Variants in CREBRF observed in about 807,000 individuals in gnomAD.
The protein encoded by CREBRF is UPF0474 protein C5orf41.
A neutral mutation model predicts 66.1 loss-of-function variants in CREBRF; 5 were observed. That is an observed-to-expected ratio of 0.08 (90% CI 0.04 to 0.16). CREBRF has a LOEUF of 0.16. Ranked by LOEUF, CREBRF falls within the 10% of genes least tolerant of loss-of-function variation. The probability of loss-of-function intolerance (pLI) is 1.00; values close to 1 mark genes in which losing one functional copy is unlikely to be tolerated. For synonymous variants in CREBRF, 229 were observed against 264.4 expected (o/e 0.87, Z 1.30); for missense variants, 531 against 744.9 (o/e 0.71, Z 3.34).
chr5:173,123,978 T>C (rs1759202518), intron 8 of CREBRF: 1 of 152,220 alleles, frequency 6.6e-6, no homozygotes, highest in Non-Finnish European at 1.5e-5. Context: ...ATTTTAATTT[T>C]TTATGTATTC....
chr5:173,096,142 T>G (rs1429632889), intron 4 of CREBRF, among the ~76,000 whole-genome samples: 6 of 152,152 alleles, frequency 3.9e-5, no homozygotes. Context: ...CTAATTTTTT[T>G]GTATTTTTAG....
intron 7 of CREBRF, among the ~76,000 whole-genome samples, chr5:173,120,109 A>T (rs1485761211): frequency 6.6e-6 from 1 of 152,078 alleles, no homozygotes; most frequent in East Asian, 1.9e-4. Context: ...ATATTGGTCT[A>T]TGATTTTTAT....
rs754863278 is a variant in CREBRF, at chr5:173,112,423, T to C, written c.1681+44T>C. The C allele has an allele frequency of 3.2e-6, 4 of 1,267,594 alleles. No homozygotes were observed. In the East Asian group the frequency reaches 7.2e-5, roughly 23 times the overall value. 78.5% of individuals were successfully genotyped at this position (1,267,594 alleles called of 1,614,324 possible). ...GAAGTTGATTAACCACCTATTGATTTGCTGACCACTCTCTCTTTTCTTTGG... is the reference window on the plus strand; with the variant it reads ...GAAGTTGATTAACCACCTATTGATTCGCTGACCACTCTCTCTTTTCTTTGG... On this transcript the variant is annotated intron_variant, in intron 7 of 8. Coordinates refer to ENST00000296953, the MANE Select transcript of CREBRF (RefSeq NM_153607.3).
chr5:173,133,923 T>C lies in CREBRF; in HGVS notation c.*178T>C. On this transcript the variant is annotated 3_prime_UTR_variant, in exon 9 of 9. Transcript: ENST00000296953. Reference sequence around the variant, plus strand: ...GATCCAAAATACTTGATTATTGCATTTTCAGAGCATAAACCATGATTAAAA... The same window carrying C: ...GATCCAAAATACTTGATTATTGCATCTTCAGAGCATAAACCATGATTAAAA... The C allele has an allele frequency of 2.3e-6, 1 of 425,792 alleles. No homozygotes were observed. The allele number at this position is 425,792 out of a possible 1,614,324, so 26.4% of individuals were successfully genotyped here.
rs370307861 is a variant in CREBRF at position 173,130,853 on chromosome 5, C to T, written c.1805-2777C>T. Among the ~76,000 whole-genome samples, 28 of 152,288 alleles carry T rather than the reference C, an allele frequency of 1.8e-4. No individual in the cohort carries two copies. In the East Asian group the frequency reaches 4.2e-3, roughly 23 times the overall value. ...GCTGACTCCCAAGTCACTGGTCGTA[C>T]ACCACCATGCCTGGCTAATGTTTTT... On this transcript the variant is annotated intron_variant, in intron 8 of 8. Transcript: ENST00000296953.
chr5:173,066,511 A>G lies in CREBRF; in HGVS notation c.-192+10032A>G, dbSNP rs1199268271. Among the ~76,000 whole-genome samples the G allele has an allele frequency of 2.0e-5, 3 of 152,190 alleles. No individual in the cohort carries two copies. In the South Asian group the frequency reaches 6.2e-4, roughly 31 times the overall value. ...TTAAAATTCAGCTTTATTGAATTAT[A>G]ATTTATGTAAAAGAAAATTCAACCA... is the stretch of plus-strand genomic sequence containing the variant. On this transcript the variant is annotated intron_variant, in intron 1 of 8. Transcript: ENST00000296953.
chr5:173,064,858 C>T (rs1757387487), intron 1 of CREBRF, among the ~76,000 whole-genome samples: 1 of 152,106 alleles, frequency 6.6e-6, no homozygotes, highest in African/African-American at 2.4e-5. Context: ...GCCACTGCGC[C>T]TGGCCCACCT....
intron 7 of CREBRF, among the ~76,000 whole-genome samples, chr5:173,122,084 G>A (rs765639824): frequency 1.1e-4 from 16 of 152,230 alleles, no homozygotes; most frequent in Middle Eastern, 3.4e-3. Context: ...TGTTGTTGTT[G>A]TTGTTGTTTG....
At chr5:173,087,090 C>T (rs918948689) in intron 3 of CREBRF, among the ~76,000 whole-genome samples, 1 of 151,892 alleles carries the variant, frequency 6.6e-6, no homozygotes, top group African/African-American at 2.4e-5. Flanking sequence ...GGGATTACAG[C>T]CACCTGGCAC....
At chr5:173,132,567 TC>T (rs1382336501) in intron 8 of CREBRF, among the ~76,000 whole-genome samples, 24 of 534 alleles carry the variant, frequency 0.045, 10 homozygotes, top group Admixed American at 0.083. Context: ...CCCCTCCCCC[TC>T]CCCCTCCCCC....
intron 6 of CREBRF, among the ~76,000 whole-genome samples, chr5:173,111,127 T>C (rs1218635035): frequency 1.3e-5 from 2 of 152,198 alleles, no homozygotes. Flanking sequence ...TTAAAAAGTT[T>C]CCTTATGTCT....
At chr5:173,066,782 C>T (rs903468847) in intron 1 of CREBRF, among the ~76,000 whole-genome samples, 1 of 140,168 alleles carries the variant, frequency 7.1e-6, no homozygotes, top group African/African-American at 2.6e-5. Flanking sequence ...TTGAGATACT[C>T]ATATTGTGTC....
rs775203337 is a variant in CREBRF, at chr5:173,061,446, C to G, written c.-192+4967C>G. ...TCCTTCGTTTACATATAAATGTTTT[C>G]TTGAAAAGCTGTTTAAAGCAAATAT... On this transcript the variant is annotated intron_variant, in intron 1 of 8. Coordinates refer to ENST00000296953, the MANE Select transcript of CREBRF (RefSeq NM_153607.3). Among the ~76,000 whole-genome samples, 4 of 152,292 alleles carry G rather than the reference C, an allele frequency of 2.6e-5. No individual in the cohort carries two copies. In the South Asian group the frequency reaches 8.3e-4, roughly 32 times the overall value.
intron 1 of CREBRF, among the ~76,000 whole-genome samples, chr5:173,080,333 G>GTT (rs538252704): frequency 2.1e-5 from 3 of 140,236 alleles, no homozygotes; most frequent in Non-Finnish European, 3.1e-5. Context: ...TTAATTTTGT[G>GTT]TTTTTTTTTT....
At chr5:173,067,660 G>A (rs1354065869) in intron 1 of CREBRF, among the ~76,000 whole-genome samples, 5 of 152,130 alleles carry the variant, frequency 3.3e-5, no homozygotes, top group Admixed American at 1.3e-4. Flanking sequence ...ATTTGTGGGC[G>A]TTGATTTCTC....
intron 1 of CREBRF, chr5:173,057,812 C>CT (rs530291959): frequency 0.43 from 60,645 of 141,770 alleles, 13,098 homozygotes; most frequent in Non-Finnish European, 0.47. Flanking sequence ...GGCGGGGTTT[C>CT]TTTTTTTTTT....
intron 4 of CREBRF, among the ~76,000 whole-genome samples, chr5:173,097,006 A>C (rs1017591138): frequency 1.3e-5 from 2 of 151,962 alleles, no homozygotes; most frequent in Non-Finnish European, 2.9e-5. Flanking sequence ...ATGGCTTGCT[A>C]GTATTTTGTT....
At chr5:173,066,477 C>A (rs986285904) in intron 1 of CREBRF, among the ~76,000 whole-genome samples, 1 of 152,100 alleles carries the variant, frequency 6.6e-6, no homozygotes, top group African/African-American at 2.4e-5. Context: ...ATTTTGTAAA[C>A]ACCTCTTTTT....
intron 4 of CREBRF, among the ~76,000 whole-genome samples, chr5:173,098,218 C>T (rs1345560908): frequency 3.4e-5 from 5 of 146,232 alleles, no homozygotes; most frequent in African/African-American, 7.6e-5. Context: ...CATGGAGTCT[C>T]GCTCTGTCAC....
Sources: allele counts gnomAD v4.1 joint callset (sites outside exome capture counted in the v4.1 genomes callset), GRCh38; gene constraint gnomAD v4.1.1; transcripts MANE v1.5; gene names NCBI Gene and HGNC (gene_info 2026-07-23, HGNC 2026-07-21).